Variants in BUD13 observed in about 807,000 individuals in gnomAD.
BUD13 encodes the protein BUD13 spliceosome associated protein, also known as BUD13 homolog.
Under a neutral mutation model 62.5 loss-of-function variants are expected in BUD13, and 47 were observed. The observed-to-expected ratio is 0.75, with a 90% CI of 0.60 to 0.96. The LOEUF (loss-of-function observed/expected upper bound fraction) is 0.96, where lower values mean the gene tolerates loss of function less well. BUD13 is among the 40% of genes least tolerant of loss of function. The pLI, the probability that BUD13 is intolerant of heterozygous loss-of-function variation, is 0.00. For synonymous variants in BUD13, 293 were observed against 280.1 expected (o/e 1.05, Z -0.46); for missense variants, 821 against 790.9 (o/e 1.04, Z -0.46).
At chr11:116,772,724 G>C (rs1591304484) in intron 1 of BUD13, 98 bp downstream of exon 1, 1 of 1,384,136 alleles carries the variant, frequency 7.2e-7, no homozygotes, top group African/African-American at 1.5e-5. Context: ...GAAGCCGAGA[G>C]ACCCGCCAAG....
rs1187126625 is a variant in BUD13, at chr11:116,757,615, A to G, written c.1684+151T>C. ...GCGCCTGGCCTGGAAAAATTTTTAT[A>G]TAGAAAGACCAATTGAGTTGAATCT... On this transcript the variant is annotated intron_variant, in intron 8 of 9. Transcript: ENST00000260210. The G allele has an allele frequency of 5.5e-6, 6 of 1,089,314 alleles. No individual in the cohort carries two copies. In the African/African-American group the frequency reaches 7.9e-5, roughly 14 times the overall value. 67.5% of individuals were successfully genotyped at this position (1,089,314 alleles called of 1,614,324 possible).
intron 3 of BUD13, among the ~76,000 whole-genome samples, chr11:116,764,566 CGTGTGTATGT>C (rs1565314942): frequency 6.6e-6 from 1 of 151,812 alleles, no homozygotes; most frequent in East Asian, 1.9e-4. Flanking sequence ...GAAAAGGCAC[CGTGTGTATGT>C]GTGTGTCTGT....
chr11:116,750,063 A>G (rs893946051), intron 9 of BUD13, among the ~76,000 whole-genome samples: 4 of 152,242 alleles, frequency 2.6e-5, no homozygotes, highest in African/African-American at 4.8e-5. Flanking sequence ...TAAATACACC[A>G]GACCAAGATG....
intron 2 of BUD13, among the ~76,000 whole-genome samples, chr11:116,766,566 G>C (rs966065073): frequency 1.3e-5 from 2 of 152,182 alleles, no homozygotes; most frequent in African/African-American, 4.8e-5. Flanking sequence ...GTAACCTTTG[G>C]TAAATTATTC....
intron 9 of BUD13, among the ~76,000 whole-genome samples, chr11:116,755,667 T>C (rs1387958485): frequency 6.6e-6 from 1 of 152,206 alleles, no homozygotes; most frequent in Non-Finnish European, 1.5e-5. Flanking sequence ...CAGAGTCAAG[T>C]TACCTATTAT....
chr11:116,756,727 A>G (rs1013301470), intron 9 of BUD13, among the ~76,000 whole-genome samples: 3 of 152,158 alleles, frequency 2.0e-5, no homozygotes, highest in Admixed American at 2.0e-4. Context: ...GAGGTGGGGT[A>G]GAGGACTGGA....
chr11:116,754,939 T>A (rs1282228072), intron 9 of BUD13, among the ~76,000 whole-genome samples: 1 of 152,200 alleles, frequency 6.6e-6, no homozygotes, highest in Admixed American at 6.5e-5. Flanking sequence ...CAGTATATCA[T>A]TCATGATGTC....
intron 9 of BUD13, among the ~76,000 whole-genome samples, chr11:116,753,000 T>G (rs1940264891): frequency 6.6e-6 from 1 of 152,166 alleles, no homozygotes; most frequent in East Asian, 1.9e-4. Flanking sequence ...GGGAGACAGA[T>G]TCTAGACATT....
At chr11:116,772,181 T>C (rs760918771) in intron 1 of BUD13, among the ~76,000 whole-genome samples, 1 of 152,224 alleles carries the variant, frequency 6.6e-6, no homozygotes, top group Non-Finnish European at 1.5e-5. Context: ...TATTTCTAAA[T>C]GTCACATTCT....
intron 1 of BUD13, among the ~76,000 whole-genome samples, chr11:116,771,847 C>T (rs1940633153): frequency 6.6e-6 from 1 of 152,202 alleles, no homozygotes; most frequent in South Asian, 2.1e-4. Flanking sequence ...AATTGCGTGG[C>T]ATAAAACAAC....
intron 3 of BUD13, 27 bp from the exon 4 acceptor site, chr11:116,763,293 T>C: frequency 1.3e-6 from 2 of 1,515,216 alleles, no homozygotes; most frequent in Non-Finnish European, 1.8e-6. Flanking sequence ...AAGAGTCAGA[T>C]TCCCACAAAT....
Position 116,761,067 on chromosome 11 carries a change from A to AT in BUD13, c.1037-116dup, listed in dbSNP as rs1430077488. 784 of 847,678 alleles carry AT rather than the reference A, an allele frequency of 9.2e-4. 1 individual carries two copies. Among genetic ancestry groups the AT allele is most frequent in the East Asian group, 8.8e-3 (285 of 32,380 alleles). 52.5% of individuals were successfully genotyped at this position (847,678 alleles called of 1,614,324 possible). ...AAATTAAAGAATTCCTTACATTATT[A>AT]TTATTTTTTTTTTTTTGAGACAGTC... On this transcript the variant is annotated intron_variant, in intron 4 of 9. Transcript: ENST00000260210.
rs535173038 is a variant in BUD13 at position 116,764,542 on chromosome 11, A to G, written c.322+820T>C. Among the ~76,000 whole-genome samples, 7 of 152,242 alleles carry G rather than the reference A, an allele frequency of 4.6e-5. No individual in the cohort carries two copies. The East Asian group carries it at 1.2e-3, about 25-fold the overall frequency. On this transcript the variant is annotated intron_variant, in intron 3 of 9. Transcript: ENST00000260210. ...TGTGTGTGTGACTGACCTTCTAAAC[A>G]TTCAGATACACAAGAAAAGGCACCG... is the stretch of plus-strand genomic sequence containing the variant.
rs1479378481 is a variant in BUD13 at position 116,762,839 on chromosome 11, G to C, written c.750C>G (p.Asp250Glu). 6.2e-7 allele frequency: 1 copy of C among 1,613,362 alleles called. No homozygotes were observed. The highest frequency in any genetic ancestry group is 1.7e-5 in the Admixed American group (1 of 59,942). Residue 250 changes from aspartate (D) to glutamate (E), a missense_variant, in exon 4 of 10, where the codon GAC becomes GAG. Asp to Glu is a conservative substitution (Grantham distance 45). Transcript: ENST00000260210. ...AAGAGCCAAGAGTCCTCCTAGATGTGTCAGGGGAGTTGTTATGGACCCTTC... is the reference window on the plus strand; with the variant it reads ...AAGAGCCAAGAGTCCTCCTAGATGTCTCAGGGGAGTTGTTATGGACCCTTC... ...SPRRVHNNSP[D>E]TSRRTLGSSD... is the part of the protein sequence containing the mutation.
Position 116,772,951 on chromosome 11 carries a change from G to C in BUD13, c.14C>G (p.Pro5Arg), listed in dbSNP as rs868826215. 1.9e-6 allele frequency: 3 copies of C among 1,562,708 alleles called. No individual in the cohort carries two copies. Among genetic ancestry groups the C allele is most frequent in the Admixed American group, 1.8e-5 (1 of 55,966 alleles). MAAA[P>R]PLSKAEYLKR... ...CAGATACTCGGCCTTGGAAAGCGGCGGAGCTGCCGCCATGGCAGCGGCGGG... is the reference window on the plus strand; with the variant it reads ...CAGATACTCGGCCTTGGAAAGCGGCCGAGCTGCCGCCATGGCAGCGGCGGG... Residue 5 changes from proline to arginine, a missense_variant, in exon 1 of 10, where the codon CCG (proline) becomes CGG (arginine). This residue lies in a region of BUD13 where 800 missense variants were observed against 739.2 expected (regional missense o/e 1.08). Coordinates refer to ENST00000260210, the MANE Select transcript of BUD13 (RefSeq NM_032725.4).
rs1303545437 is a variant in BUD13 at position 116,748,295 on chromosome 11, C to A, written c.*187G>T. 4 of 544,724 alleles carry A rather than the reference C, an allele frequency of 7.3e-6. No homozygotes were observed. Among genetic ancestry groups the A allele is most frequent in the African/African-American group, 1.9e-5 (1 of 52,214 alleles). 33.7% of individuals were successfully genotyped at this position (544,724 alleles called of 1,614,324 possible). A position where few individuals can be genotyped will look rare whatever the true frequency, so the allele number is the denominator to read the frequency against. ...GCCAGCAACAGCCGGTGCTGTCACA[C>A]CCAAGAAGTACAGGTACCTCAGTCC... On this transcript the variant is annotated 3_prime_UTR_variant, in exon 10 of 10. Transcript: ENST00000260210.
chr11:116,769,303 G>C (rs537268579), intron 2 of BUD13, among the ~76,000 whole-genome samples: 1 of 152,260 alleles, frequency 6.6e-6, no homozygotes, highest in South Asian at 2.1e-4. Context: ...TACTTGGTAC[G>C]TATGTGAAAC....
At chr11:116,765,275 A>T in intron 3 of BUD13, 87 bp downstream of exon 3, 1 of 1,368,622 alleles carries the variant, frequency 7.3e-7, no homozygotes. Flanking sequence ...AAAACAAACT[A>T]TGCATTCCTC....
intron 3 of BUD13, among the ~76,000 whole-genome samples, chr11:116,763,686 C>T (rs1305021866): frequency 6.6e-6 from 1 of 152,132 alleles, no homozygotes; most frequent in Non-Finnish European, 1.5e-5. Flanking sequence ...CTTTCTAAAA[C>T]CTCATTTGTG....
Sources: allele counts gnomAD v4.1 joint callset (sites outside exome capture counted in the v4.1 genomes callset), GRCh38; gene constraint gnomAD v4.1.1; regional missense constraint gnomAD v4.1.1; transcripts MANE v1.5; gene names NCBI Gene and HGNC (gene_info 2026-07-23, HGNC 2026-07-21).